The following TMEM132D variants were observed in gnomAD, a reference collection of about 807,000 sequenced individuals.
The protein encoded by TMEM132D is transmembrane protein 132D, also known as mature OL transmembrane protein.
Under a neutral mutation model 62.3 loss-of-function variants are expected in TMEM132D, and 21 were observed. The ratio of observed to expected loss-of-function variants is 0.34; its 90% CI spans 0.24 to 0.49. The LOEUF is 0.49. Ranked by LOEUF, TMEM132D falls within the 20% of genes least tolerant of loss-of-function variation. The pLI is 0.99. For synonymous variants in TMEM132D, 621 were observed against 575.6 expected (o/e 1.08, Z -1.13); for missense variants, 1,346 against 1,402.8 (o/e 0.96, Z 0.65).
chr12:129,637,513 T>C (rs1489403532), intron 2 of TMEM132D, among the ~76,000 whole-genome samples: 1 of 152,086 alleles, frequency 6.6e-6, no homozygotes, highest in Non-Finnish European at 1.5e-5. Flanking sequence ...CAAGAACTGG[T>C]TGGTCAAAAG....
At chr12:129,630,064 A>G (rs1160881194) in intron 2 of TMEM132D, among the ~76,000 whole-genome samples, 2 of 152,238 alleles carry the variant, frequency 1.3e-5, no homozygotes. Context: ...ATATGTGAAT[A>G]CAAAACAGAC....
chr12:129,750,916 C>T (rs1324445445), intron 1 of TMEM132D, among the ~76,000 whole-genome samples: 1 of 152,100 alleles, frequency 6.6e-6, no homozygotes, highest in Non-Finnish European at 1.5e-5. Context: ...ATCAAAACAT[C>T]ATGTTGTACC....
At chr12:129,535,502 A>C (rs7975245) in intron 2 of TMEM132D, among the ~76,000 whole-genome samples, 36,329 of 152,176 alleles carry the variant, frequency 0.24, 5,682 homozygotes, top group African/African-American at 0.44. Context: ...TGAGTTCATT[A>C]TCCAAAGCAC....
chr12:129,402,835 C>T (rs1196554913), intron 3 of TMEM132D, among the ~76,000 whole-genome samples: 5 of 143,686 alleles, frequency 3.5e-5, no homozygotes, highest in Admixed American at 6.8e-5. Flanking sequence ...AGGACTGGGT[C>T]CTGGGGTGGG....
At chr12:129,208,099 T>C (rs953386271) in intron 5 of TMEM132D, among the ~76,000 whole-genome samples, 3 of 152,046 alleles carry the variant, frequency 2.0e-5, no homozygotes, top group African/African-American at 7.2e-5. Flanking sequence ...GCCCTGGCTG[T>C]AGCACTAAAG....
rs546541405 is a variant in TMEM132D at position 129,330,949 on chromosome 12, C to A, written c.1299+6685G>T. Among the ~76,000 whole-genome samples, 25 of 152,270 alleles carry A rather than the reference C, an allele frequency of 1.6e-4. No individual in the cohort carries two copies. The East Asian group carries it at 4.6e-3, about 28-fold the overall frequency. On this transcript the variant is annotated intron_variant, in intron 4 of 8. Coordinates refer to ENST00000422113, the MANE Select transcript of TMEM132D (RefSeq NM_133448.3). The stretch of plus-strand genomic sequence containing the variant: ...GTATGGCTCCTACTTAAGATGGCTC[C>A]AAACACATGATCTCAGCCAGCAAGA...
At chr12:129,229,507 G>A (rs941906179) in intron 4 of TMEM132D, among the ~76,000 whole-genome samples, 1 of 152,170 alleles carries the variant, frequency 6.6e-6, no homozygotes, top group African/African-American at 2.4e-5. Flanking sequence ...CAGCCTCTAA[G>A]TAAATGGGTT....
intron 5 of TMEM132D, among the ~76,000 whole-genome samples, chr12:129,195,839 TA>T (rs1376015707): frequency 2.6e-5 from 4 of 152,240 alleles, no homozygotes; most frequent in African/African-American, 7.2e-5. Flanking sequence ...ATAAAGAGTT[TA>T]CGGGGGCCAG....
chr12:129,775,696 G>A (rs145100431), intron 1 of TMEM132D, among the ~76,000 whole-genome samples: 98 of 152,286 alleles, frequency 6.4e-4, no homozygotes, highest in South Asian at 3.5e-3. Context: ...ATCCAGTTGC[G>A]ATCTGTTAAA....
intron 4 of TMEM132D, among the ~76,000 whole-genome samples, chr12:129,264,836 G>A (rs904762575): frequency 6.6e-6 from 1 of 152,180 alleles, no homozygotes; most frequent in East Asian, 1.9e-4. Flanking sequence ...AACATTGTAT[G>A]TTCTCACTGA....
In TMEM132D at chr12:129,160,625, G is replaced by A. The variant is rs1052739706; in HGVS notation, c.1443+48895C>T. Among the ~76,000 whole-genome samples the A allele has an allele frequency of 3.7e-4, 57 of 152,172 alleles. 1 individual carries two copies. The highest frequency in any genetic ancestry group is 2.9e-5 in the Non-Finnish European group (2 of 68,028). ...TACCCAGCCATTCTATGTAGCCCTT[G>A]ACTTTTTAGTTACAAGAGCCAACAA... On this transcript the variant is annotated intron_variant, in intron 5 of 8. Transcript: ENST00000422113.
intron 4 of TMEM132D, among the ~76,000 whole-genome samples, chr12:129,265,511 A>G (rs533115294): frequency 6.6e-6 from 1 of 151,918 alleles, no homozygotes; most frequent in Non-Finnish European, 1.5e-5. Flanking sequence ...CCTCACCCAC[A>G]CCCTCTCCAT....
chr12:129,642,880 T>A (rs922432952), intron 2 of TMEM132D, among the ~76,000 whole-genome samples: 3 of 151,078 alleles, frequency 2.0e-5, no homozygotes, highest in African/African-American at 4.9e-5. Context: ...CTGACAACAA[T>A]GGAGAATTTC....
At chr12:129,695,876 C>T (rs1443651984) in intron 2 of TMEM132D, among the ~76,000 whole-genome samples, 1 of 152,312 alleles carries the variant, frequency 6.6e-6, no homozygotes, top group East Asian at 1.9e-4. Context: ...ATCTGCATGG[C>T]CAAGCTGGGT....
chr12:129,817,742 T>G (rs1872397240), intron 1 of TMEM132D, among the ~76,000 whole-genome samples: 1 of 135,696 alleles, frequency 7.4e-6, no homozygotes, highest in Admixed American at 7.9e-5. Flanking sequence ...GTAAGGTGTG[T>G]GTGTGGTGTG....
chr12:129,216,917 T>C (rs1050790672), intron 4 of TMEM132D, among the ~76,000 whole-genome samples: 1 of 152,218 alleles, frequency 6.6e-6, no homozygotes, highest in African/African-American at 2.4e-5. Context: ...TGATTTCTTA[T>C]CGGTCTTAAG....
At chr12:129,447,277 C>T (rs770604538) in intron 3 of TMEM132D, among the ~76,000 whole-genome samples, 2 of 152,214 alleles carry the variant, frequency 1.3e-5, no homozygotes, top group African/African-American at 2.4e-5. Flanking sequence ...CTTCTCACTT[C>T]AGTCATTGTA....
At chr12:129,184,401 T>C (rs1412433469) in intron 5 of TMEM132D, among the ~76,000 whole-genome samples, 1 of 152,222 alleles carries the variant, frequency 6.6e-6, no homozygotes, top group Non-Finnish European at 1.5e-5. Context: ...CTGTCCTTTG[T>C]GCGGGCTGTT....
chr12:129,811,017 C>T (rs559458737), intron 1 of TMEM132D, among the ~76,000 whole-genome samples: 3 of 151,932 alleles, frequency 2.0e-5, no homozygotes, highest in African/African-American at 4.8e-5. Context: ...AAAGCAAGAA[C>T]GTGTTTATCT....
Sources: allele counts gnomAD v4.1 joint callset (sites outside exome capture counted in the v4.1 genomes callset), GRCh38; gene constraint gnomAD v4.1.1; transcripts MANE v1.5; gene names NCBI Gene and HGNC (gene_info 2026-07-23, HGNC 2026-07-21).